Variants in SGCZ observed in about 807,000 individuals in gnomAD.
SGCZ encodes the protein zeta-sarcoglycan.
In SGCZ, 40 loss-of-function variants were observed where a neutral mutation model predicts 41.3. That is an observed-to-expected ratio of 0.97 (90% CI 0.75 to 1.26). The LOEUF (loss-of-function observed/expected upper bound fraction) is 1.26, where lower values mean the gene tolerates loss of function less well. Ranked by LOEUF, SGCZ falls within the 50% of genes most tolerant of loss-of-function variation. The probability of loss-of-function intolerance (pLI) is 0.00; values close to 1 mark genes in which losing one functional copy is unlikely to be tolerated. For synonymous variants in SGCZ, 206 were observed against 137.5 expected (o/e 1.50, Z -3.49); for missense variants, 552 against 369.8 (o/e 1.49, Z -4.04).
chr8:14,497,858 G>A (rs147988760), intron 2 of SGCZ, among the ~76,000 whole-genome samples: 1 of 152,268 alleles, frequency 6.6e-6, no homozygotes, highest in Non-Finnish European at 1.5e-5. Flanking sequence ...AAGACAGTTA[G>A]GTTGTAGGGC....
At chr8:14,620,366 G>T (rs2117367480) in intron 1 of SGCZ, among the ~76,000 whole-genome samples, 1 of 152,264 alleles carries the variant, frequency 6.6e-6, no homozygotes, top group South Asian at 2.1e-4. Context: ...TACCATTCAG[G>T]TCATAGGCAT....
chr8:14,897,963 G>A (rs560875152), intron 1 of SGCZ, among the ~76,000 whole-genome samples: 3 of 151,954 alleles, frequency 2.0e-5, no homozygotes, highest in Non-Finnish European at 4.4e-5. Flanking sequence ...CCCTAATAAG[G>A]CTTGTATTTT....
At chr8:14,892,564 T>C (rs931091325) in intron 1 of SGCZ, among the ~76,000 whole-genome samples, 25 of 152,188 alleles carry the variant, frequency 1.6e-4, no homozygotes, top group Non-Finnish European at 3.2e-4. Context: ...AGTTAAATGT[T>C]TTAATAATAG....
chr8:14,442,444 T>C (rs937622956), intron 2 of SGCZ, among the ~76,000 whole-genome samples: 19 of 152,290 alleles, frequency 1.2e-4, no homozygotes, highest in Middle Eastern at 3.4e-3. Context: ...CTCTTTTTCT[T>C]TATAAATTAC....
At chr8:15,107,592 T>A (rs1806879642) in intron 1 of SGCZ, among the ~76,000 whole-genome samples, 1 of 152,198 alleles carries the variant, frequency 6.6e-6, no homozygotes, top group South Asian at 2.1e-4. Context: ...GCCAAGCAAT[T>A]GCCAGCACCA....
At chr8:14,290,570 C>G (rs950100675) in intron 3 of SGCZ, among the ~76,000 whole-genome samples, 1 of 151,832 alleles carries the variant, frequency 6.6e-6, no homozygotes, top group Non-Finnish European at 1.5e-5. Context: ...AAATGGCCAA[C>G]AAATATGAAA....
intron 1 of SGCZ, among the ~76,000 whole-genome samples, chr8:14,851,250 T>A (rs1246316955): frequency 2.1e-4 from 32 of 150,302 alleles, no homozygotes; most frequent in Non-Finnish European, 2.4e-4. Context: ...GCGCCTGTAG[T>A]CCCTGCTACT....
At chr8:14,519,152 A>C (rs1585623977) in intron 2 of SGCZ, among the ~76,000 whole-genome samples, 1 of 151,962 alleles carries the variant, frequency 6.6e-6, no homozygotes, top group Non-Finnish European at 1.5e-5. Context: ...AGATCAATTA[A>C]GCACAAAAAT....
chr8:15,167,652 C>T (rs902153830), intron 1 of SGCZ, among the ~76,000 whole-genome samples: 2 of 142,824 alleles, frequency 1.4e-5, no homozygotes, highest in Admixed American at 1.4e-4. Context: ...TTGCAAACCA[C>T]TCAGTCCTTT....
intron 2 of SGCZ, among the ~76,000 whole-genome samples, chr8:14,363,606 C>G (rs1803602754): frequency 6.6e-6 from 1 of 152,024 alleles, no homozygotes; most frequent in Non-Finnish European, 1.5e-5. Context: ...GTGCTTTGAC[C>G]CAACTTCATT....
chr8:14,989,376 C>A (rs560508524), intron 1 of SGCZ, among the ~76,000 whole-genome samples: 1 of 152,140 alleles, frequency 6.6e-6, no homozygotes, highest in East Asian at 1.9e-4. Context: ...GTCTTAGCTA[C>A]TCAGGAGGCT....
intron 2 of SGCZ, among the ~76,000 whole-genome samples, chr8:14,383,001 C>T (rs527493683): frequency 2.6e-4 from 39 of 152,254 alleles, no homozygotes; most frequent in African/African-American, 8.9e-4. Context: ...TATGTGGAAG[C>T]ATGCCACCAC....
intron 1 of SGCZ, among the ~76,000 whole-genome samples, chr8:14,958,726 G>C (rs930283860): frequency 5.3e-5 from 8 of 151,952 alleles, no homozygotes; most frequent in African/African-American, 1.9e-4. Flanking sequence ...TATCTCAAAA[G>C]TATAAAAACT....
In SGCZ at chr8:14,362,270, C is replaced by T. The variant is rs1329450033; in HGVS notation, c.235-38066G>A. 2.0e-5 allele frequency among the ~76,000 whole-genome samples: 3 copies of T among 152,166 alleles called. No individual in the cohort carries two copies. The South Asian group carries it at 6.2e-4, about 32-fold the overall frequency. ...TGCAGAAGCCTTTTGTTCAGATATG[C>T]CCTGCCCCCGGAGGTGGAATCTAGA... On this transcript the variant is annotated intron_variant, in intron 2 of 7. Coordinates refer to ENST00000382080, the MANE Select transcript of SGCZ (RefSeq NM_139167.4).
At chr8:15,184,494 T>C (rs1800274219) in intron 1 of SGCZ, among the ~76,000 whole-genome samples, 1 of 151,812 alleles carries the variant, frequency 6.6e-6, no homozygotes, top group Non-Finnish European at 1.5e-5. Flanking sequence ...TCTTCACCTC[T>C]CATGCATTTT....
At chr8:14,588,971 T>C (rs1805152888) in intron 1 of SGCZ, among the ~76,000 whole-genome samples, 1 of 152,130 alleles carries the variant, frequency 6.6e-6, no homozygotes, top group East Asian at 1.9e-4. Flanking sequence ...CTATGGTGTA[T>C]GATGAGTACA....
At chr8:14,570,788 T>G (rs1185027640) in intron 1 of SGCZ, among the ~76,000 whole-genome samples, 1 of 152,194 alleles carries the variant, frequency 6.6e-6, no homozygotes. Flanking sequence ...AACCCCTATC[T>G]GCCTCTTATT....
chr8:15,017,988 C>G (rs1473777650), intron 1 of SGCZ, among the ~76,000 whole-genome samples: 1 of 152,096 alleles, frequency 6.6e-6, no homozygotes, highest in Non-Finnish European at 1.5e-5. Flanking sequence ...TCTCAGCCTC[C>G]CAAGTCTCTG....
At chr8:14,839,944 T>C (rs1306650778) in intron 1 of SGCZ, among the ~76,000 whole-genome samples, 1 of 152,160 alleles carries the variant, frequency 6.6e-6, no homozygotes, top group Non-Finnish European at 1.5e-5. Flanking sequence ...AAGATGTATA[T>C]TCTAATTTGT....
Sources: gnomAD v4.1 joint callset for allele counts (sites outside exome capture counted in the v4.1 genomes callset) on GRCh38, gnomAD v4.1.1 for gene constraint, MANE v1.5 for transcripts, NCBI Gene and HGNC (gene_info 2026-07-23, HGNC 2026-07-21) for gene names.